Variants in IFT140 observed in about 807,000 individuals in gnomAD.
The protein encoded by IFT140 is intraflagellar transport 140, also known as intraflagellar transport protein 140 homolog.
Under a neutral mutation model 164.6 loss-of-function variants are expected in IFT140, and 133 were observed. The observed-to-expected ratio is 0.81, with a 90% CI of 0.70 to 0.93. IFT140 has a LOEUF of 0.93. IFT140 is among the 40% of genes least tolerant of loss of function. The pLI is 0.00. For synonymous variants in IFT140, 860 were observed against 817.3 expected, an observed-to-expected ratio of 1.05 and a Z score of -0.89; for missense variants, 2,045 against 1,972.3, an observed-to-expected ratio of 1.04 and a Z score of -0.70.
rs777990630 is a variant in IFT140, at chr16:1,586,170, TG to T, written c.1114del (p.Gln372ArgfsTer24). Reference protein sequence around the residue: ...GAEGKDRWALQTPTELQGNIT... With the variant: ...GAEGKDRWALXTPTELQGNIT... ...GTTTCCTTGGAGCTCGGTAGGGGTC[TG>T]AAGGGCCCACCTGTCCTTGCCCTCT... On this transcript the variant is annotated frameshift_variant, in exon 10 of 31. Transcript: ENST00000426508. LOFTEE classifies it high-confidence loss of function. The T allele has an allele frequency of 6.2e-7, 1 of 1,614,004 alleles. No homozygotes were observed. Among genetic ancestry groups the T allele is most frequent in the East Asian group, 2.2e-5 (1 of 44,884 alleles).
At chr16:1,513,578 G>A (rs536224174) in intron 30 of IFT140, among the ~76,000 whole-genome samples, 5 of 152,238 alleles carry the variant, frequency 3.3e-5, no homozygotes, top group South Asian at 2.1e-4. Context: ...CCCTAATGAC[G>A]ACGGACACAT....
At chr16:1,595,399 C>T (rs1042948130) in intron 4 of IFT140, among the ~76,000 whole-genome samples, 11 of 152,006 alleles carry the variant, frequency 7.2e-5, no homozygotes, top group Non-Finnish European at 1.3e-4. Flanking sequence ...AAGCAGATCA[C>T]GAGGTCAGGA....
At chr16:1,530,064 G>C (rs905596101) in intron 19 of IFT140, among the ~76,000 whole-genome samples, 1 of 151,168 alleles carries the variant, frequency 6.6e-6, no homozygotes, top group Admixed American at 6.6e-5. Context: ...TGGCCGCTTC[G>C]TAAACACCAC....
chr16:1,596,042 T>C (rs1406006988), intron 4 of IFT140, among the ~76,000 whole-genome samples: 1 of 152,088 alleles, frequency 6.6e-6, no homozygotes, highest in Non-Finnish European at 1.5e-5. Flanking sequence ...GGTGACAGAG[T>C]GAGGCTCCGT....
intron 30 of IFT140, among the ~76,000 whole-genome samples, chr16:1,513,456 A>G (rs1312505398): frequency 6.6e-6 from 1 of 151,956 alleles, no homozygotes; most frequent in Non-Finnish European, 1.5e-5. Context: ...AGCCACGATC[A>G]TGCCACTGCA....
chr16:1,594,627 T>C (rs946263730), intron 4 of IFT140, among the ~76,000 whole-genome samples: 11 of 152,230 alleles, frequency 7.2e-5, no homozygotes, highest in Non-Finnish European at 5.9e-5. Flanking sequence ...CTTGGTGCGC[T>C]GCGTGCTCAA....
rs1207530474 is a variant in IFT140 at position 1,592,457 on chromosome 16, C to T, written c.491+10G>A. Reference sequence around the variant, plus strand: ...ACACACACAGGTCACAGGGCAAGCCCCACACTTACTCGCCAGGAGGGGGGA... The same window carrying T: ...ACACACACAGGTCACAGGGCAAGCCTCACACTTACTCGCCAGGAGGGGGGA... On this transcript the variant is annotated intron_variant, in intron 5 of 30. Coordinates refer to ENST00000426508, the MANE Select transcript of IFT140 (RefSeq NM_014714.4). The T allele has an allele frequency of 1.2e-6, 2 of 1,613,738 alleles. No individual in the cohort carries two copies. Among genetic ancestry groups the T allele is most frequent in the African/African-American group, 1.3e-5 (1 of 74,938 alleles).
Position 1,524,929 on chromosome 16 carries a change from C to T in IFT140, c.2865-13G>A, listed in dbSNP as rs1006464245. ...CCGCCACAGGGTCCTGCGGGCAGCC[C>T]AAGACCATGGATTCTCCACCCGAGC... On this transcript the variant is annotated splice_polypyrimidine_tract_variant and intron_variant, in intron 22 of 30. Coordinates refer to ENST00000426508, the MANE Select transcript of IFT140 (RefSeq NM_014714.4). 1 of 1,596,716 alleles carries T rather than the reference C, an allele frequency of 6.3e-7. No individual in the cohort carries two copies. The highest frequency in any genetic ancestry group is 1.7e-5 in the Admixed American group (1 of 59,708).
At chr16:1,525,782 TC>T in intron 21 of IFT140, 104 bp downstream of exon 21, 1 of 1,171,582 alleles carries the variant, frequency 8.5e-7, no homozygotes, top group Non-Finnish European at 1.2e-6. Flanking sequence ...GACAGACGCC[TC>T]CTCTAAGAAC....
chr16:1,605,466 C>T (rs1184482017), intron 3 of IFT140, among the ~76,000 whole-genome samples: 6 of 152,184 alleles, frequency 3.9e-5, no homozygotes, highest in African/African-American at 1.4e-4. Flanking sequence ...AGTGCAGTGG[C>T]GTGATCTCGG....
chr16:1,606,254 A>G (rs2036055193), intron 3 of IFT140, among the ~76,000 whole-genome samples: 1 of 152,244 alleles, frequency 6.6e-6, no homozygotes, highest in Non-Finnish European at 1.5e-5. Context: ...TGACAGAGGA[A>G]GATGCCTCAG....
At chr16:1,602,629 AG>A (rs1230689075) in intron 3 of IFT140, 38 bp from the exon 4 acceptor site, 5 of 1,576,492 alleles carry the variant, frequency 3.2e-6, no homozygotes, top group Non-Finnish European at 4.3e-6. Context: ...CAGTTCAGAG[AG>A]GGACAGCTAC....
intron 19 of IFT140, among the ~76,000 whole-genome samples, chr16:1,535,375 G>C (rs2030960870): frequency 6.6e-6 from 1 of 152,204 alleles, no homozygotes; most frequent in Admixed American, 6.5e-5. Context: ...CATCTCAACA[G>C]TCACGGCACA....
chr16:1,535,026 G>A lies in IFT140; in HGVS notation c.2400-8230C>T, dbSNP rs770989743. On this transcript the variant is annotated intron_variant, in intron 19 of 30. Transcript: ENST00000426508. ...TCAAGACGAACCTAGCCTACATAGC[G>A]AGAGACCCTGTCTCTGAACATAAAA... 3.3e-5 allele frequency among the ~76,000 whole-genome samples: 5 copies of A among 152,154 alleles called. No homozygotes were observed. In the South Asian group the frequency reaches 8.3e-4, roughly 25 times the overall value.
chr16:1,544,858 C>T (rs1357060320), intron 19 of IFT140, among the ~76,000 whole-genome samples: 2 of 151,930 alleles, frequency 1.3e-5, no homozygotes, highest in South Asian at 2.1e-4. Context: ...CCGTGTTAGC[C>T]AGGATGGTCT....
At chr16:1,584,133 C>G in intron 11 of IFT140, 84 bp downstream of exon 11, 2 of 1,226,480 alleles carry the variant, frequency 1.6e-6, no homozygotes, top group Non-Finnish European at 2.3e-6. Context: ...AACCTGCCAT[C>G]TGGGGCCCTT....
intron 30 of IFT140, among the ~76,000 whole-genome samples, chr16:1,515,862 CAT>C (rs1468638146): frequency 6.6e-6 from 1 of 152,086 alleles, no homozygotes; most frequent in African/African-American, 2.4e-5. Flanking sequence ...AAATCGGAAT[CAT>C]AGGGAAGAAG....
chr16:1,594,472 C>A (rs2035350060), intron 4 of IFT140, among the ~76,000 whole-genome samples: 1 of 152,214 alleles, frequency 6.6e-6, no homozygotes, highest in Non-Finnish European at 1.5e-5. Flanking sequence ...TTTCCCACCT[C>A]TGCCTTCCAA....
chr16:1,583,929 T>G (rs989852185), intron 11 of IFT140, among the ~76,000 whole-genome samples: 2 of 152,058 alleles, frequency 1.3e-5, no homozygotes, highest in African/African-American at 4.8e-5. Flanking sequence ...ATTTTGGAGT[T>G]TTAGCATCTT....
Sources: gnomAD v4.1 joint callset for allele counts (sites outside exome capture counted in the v4.1 genomes callset) on GRCh38, gnomAD v4.1.1 for gene constraint, MANE v1.5 for transcripts, NCBI Gene and HGNC (gene_info 2026-07-23, HGNC 2026-07-21) for gene names.